GATA5: variants seen among roughly 807,000 people sequenced by gnomAD.
GATA5 encodes the protein transcription factor GATA-5.
A neutral mutation model predicts 35.0 loss-of-function variants in GATA5; 27 were observed. The observed-to-expected ratio is 0.77, with a 90% CI of 0.57 to 1.06. The LOEUF (loss-of-function observed/expected upper bound fraction) is 1.06. GATA5 is among the 50% of genes least tolerant of loss of function. The probability of loss-of-function intolerance (pLI) is 0.00; values close to 1 mark genes in which losing one functional copy is unlikely to be tolerated. For synonymous variants in GATA5, 306 were observed against 267.8 expected, an observed-to-expected ratio of 1.14 and a Z score of -1.39; for missense variants, 612 against 580.0, an observed-to-expected ratio of 1.06 and a Z score of -0.57.
intron 3 of GATA5, among the ~76,000 whole-genome samples, chr20:62,471,965 C>T (rs1243355076): frequency 2.7e-5 from 4 of 150,180 alleles, no homozygotes; most frequent in South Asian, 2.1e-4. Flanking sequence ...AGGCTGGTCT[C>T]GAACTCCTGA....
At position 62,475,456 on chromosome 20, in the gene GATA5, GA is replaced by G; in HGVS notation, c.65del (p.Phe22SerfsTer125). ...GAGAGCCGGCGCCCGGAGCGTGCAG[GA>G]AGGAGCCCGAGTCGGCGTAGGCGGC... ...RQAAYADSGS[F>X]LHAPGAGSPM... is the part of the protein sequence containing the mutation. On this transcript the variant is annotated frameshift_variant, in exon 2 of 7. Transcript: ENST00000252997. LOFTEE classifies it high-confidence loss of function. The G allele has an allele frequency of 7.5e-7, 1 of 1,340,684 alleles. No individual in the cohort carries two copies. Among genetic ancestry groups the G allele is most frequent in the South Asian group, 2.1e-5 (1 of 46,742 alleles). The allele number at this position is 1,340,684 out of a possible 1,614,324, so 83.0% of individuals were successfully genotyped here.
chr20:62,465,021 G>C (rs1313595197), intron 6 of GATA5, 30 bp from the exon 7 acceptor site: 7 of 1,549,184 alleles, frequency 4.5e-6, no homozygotes, highest in Non-Finnish European at 6.1e-6. Flanking sequence ...TGAGAATGTG[G>C]GGTGGGGCGT....
chr20:62,475,407 C>T lies in GATA5; in HGVS notation c.115G>A (p.Val39Ile). 2 of 1,355,774 alleles carry T rather than the reference C, an allele frequency of 1.5e-6. No homozygotes were observed. The highest frequency in any genetic ancestry group is 1.9e-5 in the South Asian group (1 of 53,924). The allele number at this position is 1,355,774 out of a possible 1,614,324, so 84.0% of individuals were successfully genotyped here. A position where few individuals can be genotyped will look rare whatever the true frequency, so the allele number is the denominator to read the frequency against. Residue 39 changes from valine to isoleucine, a missense_variant, in exon 2 of 7, where the codon GTC (valine) becomes ATC (isoleucine). Coordinates refer to ENST00000252997, the MANE Select transcript of GATA5 (RefSeq NM_080473.5). Reference sequence around the variant, plus strand: ...GACAGGTAGGACAGCATCGAGGGGACGCGCGCCGGCGGCACAAACATCGGA... The same window carrying T: ...GACAGGTAGGACAGCATCGAGGGGATGCGCGCCGGCGGCACAAACATCGGA... The part of the protein sequence containing the change: ...GSPMFVPPAR[V>I]PSMLSYLSGC...
intron 5 of GATA5, 100 bp from the exon 6 acceptor site, chr20:62,465,564 T>G: frequency 6.0e-4 from 875 of 1,451,578 alleles, no homozygotes; most frequent in Non-Finnish European, 7.2e-4. Flanking sequence ...CCAGAGAGGT[T>G]TGGAGACTCC....
intron 3 of GATA5, among the ~76,000 whole-genome samples, chr20:62,466,857 C>G (rs1221088909): frequency 6.6e-6 from 1 of 152,246 alleles, no homozygotes; most frequent in African/African-American, 2.4e-5. Context: ...AACGGTTTCC[C>G]TATTGTCTCT....
At chr20:62,473,704 CAAATCTTG>C in intron 2 of GATA5, 126 bp from the exon 3 acceptor site, 1 of 777,884 alleles carries the variant, frequency 1.3e-6, no homozygotes. Context: ...ACTTAAGGCA[CAAATCTTG>C]TGCCTTAGAT....
At position 62,466,477 on chromosome 20, in the gene GATA5, C is replaced by T. The variant is rs138364078; in HGVS notation, c.774G>A (p.Ser258=). ...TTNTTLWRRN[S]EGEPVCNACG... is the part of the protein sequence containing the mutation. ...AGGCATTGCACACGGGCTCCCCCTCCGAGTTCCGCCGCCACAGCGTGGTGT... is the reference window on the plus strand; with the variant it reads ...AGGCATTGCACACGGGCTCCCCCTCTGAGTTCCGCCGCCACAGCGTGGTGT... Residue 258 remains serine (S), a synonymous_variant, in exon 4 of 7, where the codon TCG becomes TCA. Coordinates refer to ENST00000252997, the MANE Select transcript of GATA5 (RefSeq NM_080473.5). 31 of 1,578,590 alleles carry T rather than the reference C, an allele frequency of 2.0e-5. No homozygotes were observed. Among genetic ancestry groups the T allele is most frequent in the African/African-American group, 6.7e-5 (5 of 74,124 alleles).
At chr20:62,467,352 C>T (rs575953385) in intron 3 of GATA5, among the ~76,000 whole-genome samples, 1 of 152,334 alleles carries the variant, frequency 6.6e-6, no homozygotes, top group Non-Finnish European at 1.5e-5. Flanking sequence ...CTTTCTCCCA[C>T]TGGCCGCACA....
At chr20:62,467,776 A>AGAGCCAGACAGCAGGCACAAGT (rs1989626898) in intron 3 of GATA5, among the ~76,000 whole-genome samples, 1 of 152,262 alleles carries the variant, frequency 6.6e-6, no homozygotes, top group African/African-American at 2.4e-5. Flanking sequence ...TAGCCAGGAC[A>AGAGCCAGACAGCAGGCACAAGT]GAGCCAGACA....
chr20:62,466,553 T>C lies in GATA5; in HGVS notation c.700-2A>G. On this transcript the variant is annotated splice_acceptor_variant, in intron 3 of 6. Transcript: ENST00000252997. LOFTEE classifies it high-confidence loss of function. Reference sequence around the variant, plus strand: ...GAGGCCGGCGCGGCGGGACGAGGACTGTGGGGGCGAGGGAGACTGGAGTGA... The same window carrying C: ...GAGGCCGGCGCGGCGGGACGAGGACCGTGGGGGCGAGGGAGACTGGAGTGA... The C allele has an allele frequency of 6.5e-7, 1 of 1,548,256 alleles. No homozygotes were observed. The highest frequency in any genetic ancestry group is 2.4e-5 in the East Asian group (1 of 41,054).
Position 62,463,786 on chromosome 20 carries a change from C to T in GATA5, c.*1050G>A, listed in dbSNP as rs915641259. On this transcript the variant is annotated 3_prime_UTR_variant, in exon 7 of 7. Coordinates refer to ENST00000252997, the MANE Select transcript of GATA5 (RefSeq NM_080473.5). ...GGGCTTGTTGTTGAAGGGCAGCAGC[C>T]GGACGGAGGCGAGGATGTGCTCCCC... 2.6e-5 allele frequency: 3 copies of T among 114,552 alleles called. No individual in the cohort carries two copies. Among genetic ancestry groups the T allele is most frequent in the East Asian group, 4.5e-4 (2 of 4,410 alleles). 7.1% of individuals were successfully genotyped at this position (114,552 alleles called of 1,614,324 possible).
At chr20:62,469,469 A>G (rs561073499) in intron 3 of GATA5, among the ~76,000 whole-genome samples, 133 of 152,304 alleles carry the variant, frequency 8.7e-4, no homozygotes, top group African/African-American at 3.2e-3. Context: ...ACACACAGAT[A>G]GGGGTGCACA....
intron 3 of GATA5, among the ~76,000 whole-genome samples, chr20:62,467,034 G>C (rs1348776337): frequency 6.6e-6 from 1 of 152,216 alleles, no homozygotes; most frequent in Non-Finnish European, 1.5e-5. Context: ...TGAGGGCTCC[G>C]GGTCCCACCT....
At chr20:62,469,529 C>A (rs782690648) in intron 3 of GATA5, among the ~76,000 whole-genome samples, 1 of 152,228 alleles carries the variant, frequency 6.6e-6, no homozygotes, top group Non-Finnish European at 1.5e-5. Flanking sequence ...CACGCCCCGA[C>A]GGAGCCACGT....
chr20:62,465,561 G>C, intron 5 of GATA5, 97 bp from the exon 6 acceptor site: 1 of 1,474,414 alleles, frequency 6.8e-7, no homozygotes, highest in South Asian at 1.3e-5. Context: ...GGCCCAGAGA[G>C]GTTTGGAGAC....
chr20:62,466,915 C>CA (rs1388894461), intron 3 of GATA5, among the ~76,000 whole-genome samples: 3 of 152,210 alleles, frequency 2.0e-5, no homozygotes, highest in Non-Finnish European at 2.9e-5. Flanking sequence ...AGTGCAGCAG[C>CA]ACTCCAAGGC....
Position 62,465,430 on chromosome 20 carries a change from A to C in GATA5, c.948T>G (p.Ala316=), listed in dbSNP as rs781873528. The C allele has an allele frequency of 9.9e-6, 16 of 1,608,738 alleles. No individual in the cohort carries two copies. Among genetic ancestry groups the C allele is most frequent in the African/African-American group, 1.3e-5 (1 of 74,902 alleles). ...CTGCTGAGCTGTCAGTGCTGGCGAC[A>C]GCAGATGGGGAGGCCGAGGCATTCC... The part of the protein sequence containing the change: ...STRNASASPS[A]VASTDSSAAT... The change falls in exon 6 of 7, where the codon GCT becomes GCG. Residue 316 remains alanine, a synonymous_variant. Coordinates refer to ENST00000252997, the MANE Select transcript of GATA5 (RefSeq NM_080473.5).
chr20:62,468,185 G>GCC (rs1394942466), intron 3 of GATA5, among the ~76,000 whole-genome samples: 1 of 150,130 alleles, frequency 6.7e-6, no homozygotes, highest in African/African-American at 2.5e-5. Context: ...ATCTGTTACA[G>GCC]CCCTCTATGA....
At chr20:62,467,591 C>T (rs1209604064) in intron 3 of GATA5, among the ~76,000 whole-genome samples, 1 of 152,238 alleles carries the variant, frequency 6.6e-6, no homozygotes, top group Non-Finnish European at 1.5e-5. Context: ...GTTGCACAGC[C>T]CCTGCCTGGT....
Sources: gnomAD v4.1 joint callset for allele counts (sites outside exome capture counted in the v4.1 genomes callset) on GRCh38, gnomAD v4.1.1 for gene constraint, MANE v1.5 for transcripts, NCBI Gene and HGNC (gene_info 2026-07-23, HGNC 2026-07-21) for gene names.